COL21A1: variants seen among roughly 807,000 people sequenced by gnomAD.
COL21A1 encodes collagen type XXI alpha 1 chain.
In COL21A1, 149 loss-of-function variants were observed where a neutral mutation model predicts 137.9. The ratio of observed to expected loss-of-function variants is 1.08; its 90% CI spans 0.95 to 1.24. The LOEUF is 1.24. COL21A1 is among the 50% of genes most tolerant of loss of function. COL21A1 has a pLI of 0.00. For synonymous variants in COL21A1, 456 were observed against 391.5 expected, an observed-to-expected ratio of 1.16 and a Z score of -1.95; for missense variants, 1,167 against 1,158.4, an observed-to-expected ratio of 1.01 and a Z score of -0.11.
chr6:56,156,761 C>T (rs1775774083), intron 10 of COL21A1, 126 bp downstream of exon 10: 4 of 770,034 alleles, frequency 5.2e-6, no homozygotes, highest in Non-Finnish European at 6.6e-6. Context: ...TGAGTTCAGT[C>T]TCTCCTTCCT....
chr6:56,169,660 C>T (rs1396624856), intron 5 of COL21A1, among the ~76,000 whole-genome samples: 1 of 151,886 alleles, frequency 6.6e-6, no homozygotes, highest in Non-Finnish European at 1.5e-5. Context: ...ATATTCATCT[C>T]CATCAAAATG....
At position 56,057,121 on chromosome 6, in the gene COL21A1, C is replaced by A; in HGVS notation, c.*536G>T. 1 of 157,112 alleles carries A rather than the reference C, an allele frequency of 6.4e-6. No individual in the cohort carries two copies. The highest frequency in any genetic ancestry group is 1.4e-5 in the Non-Finnish European group (1 of 71,816). 9.7% of individuals were successfully genotyped at this position (157,112 alleles called of 1,614,324 possible). On this transcript the variant is annotated 3_prime_UTR_variant, in exon 30 of 30. Coordinates refer to ENST00000244728, the MANE Select transcript of COL21A1 (RefSeq NM_030820.4). ...AGGTGCTATTCACAACACCGAACAA[C>A]AGGCAATCCACTGCCCCTTATCAAG...
chr6:56,301,862 C>T (rs993036277), intron 1 of COL21A1, among the ~76,000 whole-genome samples: 1 of 152,018 alleles, frequency 6.6e-6, no homozygotes, highest in African/African-American at 2.4e-5. Context: ...TCTCCCCCCC[C>T]CAATCCCACA....
At chr6:56,105,561 T>C (rs1770815102) in intron 16 of COL21A1, among the ~76,000 whole-genome samples, 1 of 152,196 alleles carries the variant, frequency 6.6e-6, no homozygotes, top group South Asian at 2.1e-4. Context: ...AATAGTTTCA[T>C]CATTATTTTC....
intron 1 of COL21A1, among the ~76,000 whole-genome samples, chr6:56,346,287 A>G (rs1202618273): frequency 1.3e-5 from 2 of 152,204 alleles, no homozygotes; most frequent in Non-Finnish European, 2.9e-5. Flanking sequence ...TGGTTTGTCT[A>G]TTGACCATAG....
chr6:56,156,888 G>A lies in COL21A1; in HGVS notation c.1433C>T (p.Pro478Leu), dbSNP rs866792118. Residue 478 changes from proline (P) to leucine (L), a missense_variant and splice_region_variant, in exon 10 of 30, where the codon CCT (proline) becomes CTT (leucine). By Grantham distance (98) the Pro-to-Leu change is moderately conservative (BLOSUM62 -3). Coordinates refer to ENST00000244728, the MANE Select transcript of COL21A1 (RefSeq NM_030820.4). The stretch of plus-strand genomic sequence containing the variant: ...GATGACTAAGCTTTCAGTACTCACA[G>A]GCTTACCATCTTGACCAGGTTGTCC... Reference protein sequence around the residue: ...YPGQPGQDGKPGYQGIAGTPG... With the variant: ...YPGQPGQDGKLGYQGIAGTPG... 1 of 1,610,948 alleles carries A rather than the reference G, an allele frequency of 6.2e-7. No homozygotes were observed. The highest frequency in any genetic ancestry group is 8.5e-7 in the Non-Finnish European group (1 of 1,178,352).
chr6:56,103,828 C>T (rs924733292), intron 16 of COL21A1, among the ~76,000 whole-genome samples: 1 of 152,082 alleles, frequency 6.6e-6, no homozygotes, highest in African/African-American at 2.4e-5. Context: ...GATTGTGGAC[C>T]CCAACCCAGA....
chr6:56,388,733 A>T (rs2094023332), intron 1 of COL21A1, among the ~76,000 whole-genome samples: 1 of 152,232 alleles, frequency 6.6e-6, no homozygotes, highest in African/African-American at 2.4e-5. Flanking sequence ...AGATATTGAC[A>T]AATGTCCACA....
chr6:56,175,026 C>T lies in COL21A1; in HGVS notation c.641-3898G>A, dbSNP rs114764214. Among the ~76,000 whole-genome samples the T allele has an allele frequency of 4.7e-3, 716 of 151,962 alleles. 5 individuals are homozygous for T. Among genetic ancestry groups the T allele is most frequent in the African/African-American group, 0.016 (663 of 41,500 alleles). ...ATAAAATCAATAAATGTGTCATTGA[C>T]AGAATGAAGGAAAAGATAACATGAT... is the stretch of plus-strand genomic sequence containing the variant. On this transcript the variant is annotated intron_variant, in intron 3 of 29. Transcript: ENST00000244728.
intron 12 of COL21A1, among the ~76,000 whole-genome samples, chr6:56,134,945 A>T (rs1464275235): frequency 1.3e-5 from 2 of 152,132 alleles, no homozygotes; most frequent in Admixed American, 1.3e-4. Flanking sequence ...AGTCTCAGGT[A>T]TGTCTTTATT....
chr6:56,077,664 T>A, intron 17 of COL21A1, 91 bp from the exon 18 acceptor site: 1 of 702,506 alleles, frequency 1.4e-6, no homozygotes, highest in Non-Finnish European at 2.4e-6. Context: ...TTTTAACTGG[T>A]AAATAACATA....
intron 17 of COL21A1, among the ~76,000 whole-genome samples, chr6:56,090,574 A>G (rs114949148): frequency 1.4e-3 from 212 of 152,312 alleles, no homozygotes; most frequent in African/African-American, 5.0e-3. Flanking sequence ...AATTTAGTCA[A>G]TCCTACAGAT....
chr6:56,272,135 G>A (rs892729594), intron 1 of COL21A1, among the ~76,000 whole-genome samples: 2 of 152,214 alleles, frequency 1.3e-5, no homozygotes, highest in Non-Finnish European at 2.9e-5. Context: ...TAGATCCACT[G>A]ACAGCTTGCA....
intron 16 of COL21A1, among the ~76,000 whole-genome samples, chr6:56,116,356 G>A (rs1344201767): frequency 3.0e-5 from 4 of 133,890 alleles, no homozygotes; most frequent in African/African-American, 1.1e-4. Flanking sequence ...CAGGCCAGGA[G>A]AGAGTAGCAT....
intron 1 of COL21A1, among the ~76,000 whole-genome samples, chr6:56,233,456 A>T: frequency 6.6e-6 from 1 of 151,982 alleles, no homozygotes; most frequent in Non-Finnish European, 1.5e-5. Flanking sequence ...AGTGAATAAA[A>T]AGAGAAAATC....
intron 9 of COL21A1, among the ~76,000 whole-genome samples, chr6:56,163,099 G>A (rs1321863774): frequency 6.6e-6 from 1 of 152,074 alleles, no homozygotes; most frequent in Non-Finnish European, 1.5e-5. Flanking sequence ...AAGATAGAAA[G>A]AATTAAATTA....
chr6:56,304,916 G>T (rs1764404057), intron 1 of COL21A1, among the ~76,000 whole-genome samples: 1 of 152,174 alleles, frequency 6.6e-6, no homozygotes, highest in Non-Finnish European at 1.5e-5. Context: ...GTGTCCCAGA[G>T]ATTCTGGTAT....
intron 1 of COL21A1, among the ~76,000 whole-genome samples, chr6:56,255,559 T>C (rs1296512217): frequency 6.6e-6 from 1 of 152,206 alleles, no homozygotes; most frequent in Non-Finnish European, 1.5e-5. Flanking sequence ...TCCTTCCTGC[T>C]CTGCCAACAT....
At chr6:56,201,445 A>G (rs1779401861) in intron 1 of COL21A1, among the ~76,000 whole-genome samples, 2 of 152,214 alleles carry the variant, frequency 1.3e-5, no homozygotes, top group African/African-American at 4.8e-5. Flanking sequence ...TAGGTCTAAC[A>G]TTTAAGTCTT....
Sources: allele counts gnomAD v4.1 joint callset (sites outside exome capture counted in the v4.1 genomes callset), GRCh38; gene constraint gnomAD v4.1.1; transcripts MANE v1.5; gene names NCBI Gene and HGNC (gene_info 2026-07-23, HGNC 2026-07-21).